The following ASXL1 variants were observed in gnomAD, a reference collection of about 807,000 sequenced individuals.
The protein encoded by ASXL1 is ASXL transcriptional regulator 1, also known as polycomb group protein ASXL1.
ASXL1 carries 65 observed loss-of-function variants against 89.1 expected under a neutral mutation model. The observed-to-expected ratio is 0.73, with a 90% CI of 0.60 to 0.90. The LOEUF (loss-of-function observed/expected upper bound fraction) is 0.90, where lower values mean the gene tolerates loss of function less well. ASXL1 is among the 40% of genes least tolerant of loss of function. The probability of loss-of-function intolerance (pLI) is 0.00; values close to 1 mark genes in which losing one functional copy is unlikely to be tolerated. For synonymous variants in ASXL1, 739 were observed against 746.9 expected (o/e 0.99, Z 0.17); for missense variants, 1,786 against 1,942.9 (o/e 0.92, Z 1.52).
intron 4 of ASXL1, among the ~76,000 whole-genome samples, chr20:32,403,230 C>A (rs1210916146): frequency 4.6e-5 from 7 of 152,140 alleles, no homozygotes; most frequent in African/African-American, 1.4e-4. Flanking sequence ...TATTCCTACG[C>A]ACACTGTTCT....
At chr20:32,414,240 T>A (rs1183236942) in intron 4 of ASXL1, among the ~76,000 whole-genome samples, 1 of 152,122 alleles carries the variant, frequency 6.6e-6, no homozygotes. Flanking sequence ...ATTATTTCTG[T>A]CTTTTGGCTT....
chr20:32,410,734 G>A (rs953524241), intron 4 of ASXL1, among the ~76,000 whole-genome samples: 1 of 151,682 alleles, frequency 6.6e-6, no homozygotes, highest in Non-Finnish European at 1.5e-5. Flanking sequence ...ACCTAAAACA[G>A]TTAGTACGCT....
At chr20:32,374,998 C>G (rs533554499) in intron 4 of ASXL1, among the ~76,000 whole-genome samples, 1 of 152,128 alleles carries the variant, frequency 6.6e-6, no homozygotes, top group African/African-American at 2.4e-5. Context: ...TTATTTCTTA[C>G]AGCTATGGAG....
In ASXL1 at chr20:32,434,454, C is replaced by T. The variant is rs775928560; in HGVS notation, c.1742C>T (p.Pro581Leu). 8 of 1,613,948 alleles carry T rather than the reference C, an allele frequency of 5.0e-6. No individual in the cohort carries two copies. The Admixed American group carries it at 1.3e-4, about 27-fold the overall frequency. ...PIRIQLSRIK[P>L]PWVVKGQPTY... ...CAGATTCAACTTTCACGTATCAAAC[C>T]ACCCTGGGTGGTTAAAGGTCAGCCC... The change falls in exon 13 of 13, where the codon CCA becomes CTA. Residue 581 changes from proline to leucine, a missense_variant. This residue lies in a region of ASXL1 where 1,418 missense variants were observed against 1,427.8 expected (regional missense o/e 0.99). Transcript: ENST00000375687.
At chr20:32,406,176 C>T (rs2048951353) in intron 4 of ASXL1, among the ~76,000 whole-genome samples, 1 of 152,070 alleles carries the variant, frequency 6.6e-6, no homozygotes, top group Admixed American at 6.6e-5. Context: ...AAACTATGAG[C>T]TTACCCCAAT....
rs778687016 is a variant in ASXL1 at position 32,435,332 on chromosome 20, C to A, written c.2620C>A (p.Pro874Thr). ...DELGLGGSCP[P>T]MRESDTRQEN... ...ATTAGGGCTTGGTGGCTCATGCCCT[C>A]CTATGAGGGAAAGTGATACTAGACA... is the stretch of plus-strand genomic sequence containing the variant. The change falls in exon 13 of 13, where the codon CCT becomes ACT. Residue 874 changes from proline (P) to threonine (T), a missense_variant. Pro to Thr is a conservative substitution (Grantham distance 38, BLOSUM62 -1). Around this residue, in one of 3 missense-constraint regions of ASXL1, gnomAD observed 1,418 missense variants for 1,427.8 expected, o/e 0.99. Coordinates refer to ENST00000375687, the MANE Select transcript of ASXL1 (RefSeq NM_015338.6). 1.9e-6 allele frequency: 3 copies of A among 1,614,030 alleles called. No homozygotes were observed. In the African/African-American group the frequency reaches 4.0e-5, roughly 22 times the overall value.
intron 4 of ASXL1, among the ~76,000 whole-genome samples, chr20:32,398,860 C>T (rs1423885712): frequency 2.6e-5 from 4 of 151,578 alleles, no homozygotes; most frequent in South Asian, 2.1e-4. Context: ...CCGCCCGCCT[C>T]GGCCTCCCAA....
chr20:32,386,449 G>C (rs191956447), intron 4 of ASXL1, among the ~76,000 whole-genome samples: 1 of 150,592 alleles, frequency 6.6e-6, no homozygotes, highest in African/African-American at 2.4e-5. Context: ...ACAGAGTCTT[G>C]TTCTGTTGCC....
chr20:32,393,118 A>G (rs2048701873), intron 4 of ASXL1, among the ~76,000 whole-genome samples: 1 of 151,886 alleles, frequency 6.6e-6, no homozygotes, highest in African/African-American at 2.4e-5. Flanking sequence ...ATTCTTACCG[A>G]TTTTCTGTTC....
At position 32,433,544 on chromosome 20, in the gene ASXL1, A is replaced by G. The variant is rs778435999; in HGVS notation, c.1346A>G (p.Tyr449Cys). The G allele has an allele frequency of 6.7e-5, 108 of 1,614,088 alleles. No homozygotes were observed. Among genetic ancestry groups the G allele is most frequent in the Non-Finnish European group, 8.6e-5 (101 of 1,180,042 alleles). The change falls in exon 12 of 13, where the codon TAC becomes TGC. Residue 449 changes from tyrosine to cysteine, a missense_variant. By Grantham distance (194) the Tyr-to-Cys change is radical. This residue lies in a region of ASXL1 where 1,418 missense variants were observed against 1,427.8 expected (regional missense o/e 0.99). Coordinates refer to ENST00000375687, the MANE Select transcript of ASXL1 (RefSeq NM_015338.6). The stretch of plus-strand genomic sequence containing the variant: ...TCTGTGGCCTCAGATGTTCCCCTCT[A>G]CAAGGATGGGGAGGCTAAGACTGAC... ...AKSVASDVPL[Y>C]KDGEAKTDPA...
At chr20:32,359,727 G>A (rs1316868146) in intron 1 of ASXL1, 1 of 718,118 alleles carries the variant, frequency 1.4e-6, no homozygotes, top group Admixed American at 2.0e-5. Context: ...TTGAGTGTTT[G>A]AAGCCGTCTC....
chr20:32,374,225 C>A lies in ASXL1; in HGVS notation c.252+5102C>A, dbSNP rs75073280. Among the ~76,000 whole-genome samples, 34 of 152,208 alleles carry A rather than the reference C, an allele frequency of 2.2e-4. No individual in the cohort carries two copies. The East Asian group carries it at 6.0e-3, about 27-fold the overall frequency. ...AATTCACTAGTCTTGAATTCCTGAG[C>A]TCAAGCAATCCTCCCATCTTGGCTT... is the stretch of plus-strand genomic sequence containing the variant. On this transcript the variant is annotated intron_variant, in intron 4 of 12. Coordinates refer to ENST00000375687, the MANE Select transcript of ASXL1 (RefSeq NM_015338.6).
At position 32,436,492 on chromosome 20, in the gene ASXL1, A is replaced by C. The variant is rs756815666; in HGVS notation, c.3780A>C (p.Gly1260=). The C allele has an allele frequency of 6.2e-7, 1 of 1,614,224 alleles. No homozygotes were observed. Among genetic ancestry groups the C allele is most frequent in the Non-Finnish European group, 8.5e-7 (1 of 1,180,042 alleles). Residue 1260 remains glycine (G), a synonymous_variant, in exon 13 of 13, where the codon GGA becomes GGC. Transcript: ENST00000375687. ...SQDSNSNAAP[G]KSPGDLTTSR... is the part of the protein sequence containing the mutation. ...ACAGTAATTCAAATGCTGCTCCAGG[A>C]AAGAGCCCAGGAGATCTTACTACCT...
chr20:32,393,913 C>T (rs948395198), intron 4 of ASXL1, among the ~76,000 whole-genome samples: 1 of 151,882 alleles, frequency 6.6e-6, no homozygotes, highest in Admixed American at 6.6e-5. Flanking sequence ...TCACTGTAAC[C>T]TTTGCCTCCT....
Position 32,429,602 on chromosome 20 carries a change from T to C in ASXL1, c.565+171T>C. On this transcript the variant is annotated intron_variant, in intron 7 of 12. Transcript: ENST00000375687. This position sits in a 1 kb window ranked among gnomAD's most constrained non-coding sequence, Gnocchi z 4.9. Reference sequence around the variant, plus strand: ...CATAGGTTCTAGTGCTGGGCTCTGCTGTGTGCCTTCCTCTTTGTCTCCCAG... The same window carrying C: ...CATAGGTTCTAGTGCTGGGCTCTGCCGTGTGCCTTCCTCTTTGTCTCCCAG... 1 of 777,980 alleles carries C rather than the reference T, an allele frequency of 1.3e-6. No individual in the cohort carries two copies. The highest frequency in any genetic ancestry group is 2.3e-5 in the Admixed American group (1 of 44,364). The allele number at this position is 777,980 out of a possible 1,614,324, so 48.2% of individuals were successfully genotyped here.
At chr20:32,398,192 C>T (rs1038614303) in intron 4 of ASXL1, among the ~76,000 whole-genome samples, 4 of 152,138 alleles carry the variant, frequency 2.6e-5, no homozygotes, top group African/African-American at 9.7e-5. Flanking sequence ...ATGAAATTCA[C>T]ATAACAAAAT....
intron 4 of ASXL1, among the ~76,000 whole-genome samples, chr20:32,377,135 ATAT>A (rs2048397943): frequency 9.5e-5 from 13 of 137,412 alleles, no homozygotes; most frequent in African/African-American, 2.7e-4. Flanking sequence ...AATATAATAT[ATAT>A]TATATATTAT....
chr20:32,381,676 G>A (rs2048488400), intron 4 of ASXL1, among the ~76,000 whole-genome samples: 1 of 151,204 alleles, frequency 6.6e-6, no homozygotes, highest in Non-Finnish European at 1.5e-5. Flanking sequence ...TACCACGCCC[G>A]GCTAATTTTT....
intron 4 of ASXL1, among the ~76,000 whole-genome samples, chr20:32,405,956 G>GTGCAATGTCTCAAAAAAAAATT (rs2048947560): frequency 6.6e-6 from 1 of 151,730 alleles, no homozygotes; most frequent in African/African-American, 2.4e-5. Flanking sequence ...CAGGCTTGGA[G>GTGCAATGTCTCAAAAAAAAATT]TGCAATGTCT....
Sources: allele counts gnomAD v4.1 joint callset (sites outside exome capture counted in the v4.1 genomes callset), GRCh38; gene constraint gnomAD v4.1.1; regional missense constraint gnomAD v4.1.1; non-coding constraint Gnocchi (gnomAD v3.1); transcripts MANE v1.5; gene names NCBI Gene and HGNC (gene_info 2026-07-23, HGNC 2026-07-21).